The following ZBTB7C variants were observed in gnomAD, a reference collection of about 807,000 sequenced individuals.
ZBTB7C encodes zinc finger and BTB domain-containing protein 7C.
In ZBTB7C, 8 loss-of-function variants were observed where a neutral mutation model predicts 25.7. The observed-to-expected ratio is 0.31, with a 90% confidence interval of 0.18 to 0.56. The LOEUF is 0.56. ZBTB7C is among the 20% of genes least tolerant of loss of function. The pLI is 0.91. For missense variants in ZBTB7C, 824 were observed against 855.2 expected (o/e 0.96, Z 0.46); for synonymous variants, 394 against 369.0 (o/e 1.07, Z -0.78).
intron 3 of ZBTB7C, among the ~76,000 whole-genome samples, chr18:48,060,740 C>T (rs2037096299): frequency 6.6e-6 from 1 of 152,202 alleles, no homozygotes; most frequent in African/African-American, 2.4e-5. Context: ...CCTTCCCTCT[C>T]TCCTAGTCCT....
intron 2 of ZBTB7C, among the ~76,000 whole-genome samples, chr18:48,209,180 G>A (rs2042646636): frequency 6.6e-6 from 1 of 152,168 alleles, no homozygotes; most frequent in African/African-American, 2.4e-5. Context: ...AGGAGGCAAT[G>A]GATGCTCCAA....
intron 1 of ZBTB7C, among the ~76,000 whole-genome samples, chr18:48,342,190 T>A (rs1016978170): frequency 6.6e-6 from 1 of 152,184 alleles, no homozygotes; most frequent in Admixed American, 6.5e-5. Context: ...CCATGCCAGC[T>A]CATCTGCATA....
intron 4 of ZBTB7C, 43 bp from the exon 5 acceptor site, chr18:48,029,954 G>A (rs1459432511): frequency 6.2e-6 from 10 of 1,605,374 alleles, no homozygotes; most frequent in Non-Finnish European, 8.5e-6. Context: ...GGGAACACCA[G>A]GAGCCATTCC....
At chr18:48,059,937 T>A (rs2037063346) in intron 3 of ZBTB7C, among the ~76,000 whole-genome samples, 1 of 152,134 alleles carries the variant, frequency 6.6e-6, no homozygotes, top group African/African-American at 2.4e-5. Context: ...CTTCCCCGGC[T>A]TCTTCCTCCT....
chr18:48,167,563 G>GGGGTGTGTGTGTGTGTTTGTGT (rs1555705394), intron 3 of ZBTB7C, among the ~76,000 whole-genome samples: 2 of 142,484 alleles, frequency 1.4e-5, no homozygotes, highest in African/African-American at 2.6e-5. Context: ...GCATTGCTAG[G>GGGGTGTGTGTGTGTGTTTGTGT]GTGTGTGTGT....
At chr18:48,304,662 G>A (rs773226722) in intron 2 of ZBTB7C, among the ~76,000 whole-genome samples, 15 of 151,888 alleles carry the variant, frequency 9.9e-5, no homozygotes, top group Admixed American at 1.3e-4. Flanking sequence ...GCAACACAGT[G>A]AGACTCCGTC....
intron 3 of ZBTB7C, among the ~76,000 whole-genome samples, chr18:48,101,200 G>A (rs1413691619): frequency 1.3e-5 from 2 of 152,156 alleles, no homozygotes; most frequent in Non-Finnish European, 2.9e-5. Flanking sequence ...CTGCCTGCCT[G>A]TGTGTCACCT....
intron 2 of ZBTB7C, among the ~76,000 whole-genome samples, chr18:48,234,462 T>C (rs1372193837): frequency 6.6e-6 from 1 of 152,208 alleles, no homozygotes; most frequent in Admixed American, 6.5e-5. Flanking sequence ...ACTGGTTTCT[T>C]GTTTAGTTTT....
At chr18:48,378,546 G>A (rs1440244295) in intron 1 of ZBTB7C, among the ~76,000 whole-genome samples, 2 of 152,150 alleles carry the variant, frequency 1.3e-5, no homozygotes, top group Non-Finnish European at 2.9e-5. Context: ...AAAACCCATT[G>A]CCATCACATC....
chr18:48,039,864 G>A lies in ZBTB7C; in HGVS notation c.1208+36C>T, dbSNP rs187712790. ...ACTCTGCTGTCCCCCATGGCCTCTG[G>A]CCCCGTGCCCCACACCCGAGGGCTG... On this transcript the variant is annotated intron_variant, in intron 4 of 4. Coordinates refer to ENST00000590800, the MANE Select transcript of ZBTB7C (RefSeq NM_001318841.2). The A allele has an allele frequency of 1.1e-5, 18 of 1,600,044 alleles. No homozygotes were observed. In the East Asian group the frequency reaches 3.8e-4, roughly 34 times the overall value.
chr18:48,222,410 G>C (rs761633499), intron 2 of ZBTB7C, among the ~76,000 whole-genome samples: 7 of 152,232 alleles, frequency 4.6e-5, no homozygotes, highest in Admixed American at 1.3e-4. Flanking sequence ...AAGGAGAGGA[G>C]AGTGTGGGAG....
intron 2 of ZBTB7C, among the ~76,000 whole-genome samples, chr18:48,246,343 T>G (rs879359320): frequency 6.6e-6 from 1 of 151,716 alleles, no homozygotes; most frequent in Non-Finnish European, 1.5e-5. Flanking sequence ...GGCAGGAGAA[T>G]GGCGTGGACC....
intron 2 of ZBTB7C, among the ~76,000 whole-genome samples, chr18:48,333,992 C>A (rs1165637534): frequency 6.6e-6 from 1 of 152,208 alleles, no homozygotes; most frequent in Non-Finnish European, 1.5e-5. Flanking sequence ...CCTGATCCTA[C>A]TTCCTCCACG....
chr18:48,326,343 G>A (rs538049082), intron 2 of ZBTB7C, among the ~76,000 whole-genome samples: 20 of 152,040 alleles, frequency 1.3e-4, no homozygotes, highest in Non-Finnish European at 2.2e-4. Context: ...TGATCTGCCC[G>A]CCTTGGCCTT....
rs141535099 is a variant in ZBTB7C, at chr18:48,079,204, C to T, written c.-16-38081G>A. Among the ~76,000 whole-genome samples the T allele has an allele frequency of 5.3e-3, 808 of 152,232 alleles. 8 individuals carry two copies. Among genetic ancestry groups the T allele is most frequent in the African/African-American group, 0.016 (650 of 41,520 alleles). ...CTTGTTTGGGATCATACATGCGTCA[C>T]GATATGATGTATGGCCAGATGCCAA... On this transcript the variant is annotated intron_variant, in intron 3 of 4. Transcript: ENST00000590800.
At chr18:48,152,464 T>C (rs574569384) in intron 3 of ZBTB7C, among the ~76,000 whole-genome samples, 4 of 152,326 alleles carry the variant, frequency 2.6e-5, no homozygotes, top group East Asian at 1.9e-4. Flanking sequence ...AGATGATTGA[T>C]GGACAGATGA....
At chr18:48,221,382 C>T (rs113477764) in intron 2 of ZBTB7C, among the ~76,000 whole-genome samples, 4,763 of 149,696 alleles carry the variant, frequency 0.032, 85 homozygotes, top group African/African-American at 0.042. Context: ...CTACACTGTC[C>T]CTAGTCTCCT....
At chr18:48,212,649 C>T (rs1219481257) in intron 2 of ZBTB7C, among the ~76,000 whole-genome samples, 1 of 151,984 alleles carries the variant, frequency 6.6e-6, no homozygotes, top group African/African-American at 2.4e-5. Context: ...CCTAAAACTG[C>T]TGTGAAAAGT....
chr18:48,354,404 T>C (rs2046930662), intron 1 of ZBTB7C, among the ~76,000 whole-genome samples: 1 of 152,134 alleles, frequency 6.6e-6, no homozygotes, highest in South Asian at 2.1e-4. Flanking sequence ...TAGTCTCCTG[T>C]TGGAGTCTTT....
Sources: allele counts gnomAD v4.1 joint callset (sites outside exome capture counted in the v4.1 genomes callset), GRCh38; gene constraint gnomAD v4.1.1; transcripts MANE v1.5; gene names NCBI Gene and HGNC (gene_info 2026-07-23, HGNC 2026-07-21).